GPR35: variants seen among roughly 807,000 people sequenced by gnomAD.
GPR35 encodes KYNA receptor.
For synonymous variants in GPR35, 207 were observed against 198.4 expected, an observed-to-expected ratio of 1.04 and a Z score of -0.36; for missense variants, 372 against 422.5, an observed-to-expected ratio of 0.88 and a Z score of 1.05.
At chr2:240,623,501 G>GAGGGCA (rs2043332183), upstream of GPR35, among the ~76,000 whole-genome samples, 1 of 149,762 alleles carries the variant, frequency 6.7e-6, no homozygotes, top group African/African-American at 2.5e-5. Flanking sequence ...TCGTGAGGGT[G>GAGGGCA]CAAACAGGTC....
At position 240,632,431 on chromosome 2, in the gene GPR35, G is replaced by A. The variant is rs1278772828; in HGVS notation, c.*1549G>A. On this transcript the variant is annotated 3_prime_UTR_variant, in exon 2 of 2. Transcript: ENST00000407714. ...AGGGTTCATGCCCAGGAGTGTCCCT[G>A]CCTAGGAAGATCCATTACCAGAAGG... Among the ~76,000 whole-genome samples the A allele has an allele frequency of 6.6e-6, 1 of 150,548 alleles. No individual in the cohort carries two copies. The highest frequency in any genetic ancestry group is 1.5e-5 in the Non-Finnish European group (1 of 67,698).
chr2:240,627,633 T>A (rs868709976), intron 1 of GPR35: 4 of 107,110 alleles, frequency 3.7e-5, no homozygotes, highest in African/African-American at 1.2e-4. Context: ...TCTGTCTTTT[T>A]TTTTTTTTTT....
At chr2:240,618,552 A>G (rs920257306) in intron 4 of GPR35, among the ~76,000 whole-genome samples, 1 of 152,206 alleles carries the variant, frequency 6.6e-6, no homozygotes, top group Non-Finnish European at 1.5e-5. Context: ...TTTGCTTTCA[A>G]TTTTAAGAAT....
In GPR35 at chr2:240,632,300, C is replaced by T. The variant is rs534090365; in HGVS notation, c.*1418C>T. 2.8e-4 allele frequency among the ~76,000 whole-genome samples: 41 copies of T among 145,470 alleles called. No individual in the cohort carries two copies. The highest frequency in any genetic ancestry group is 8.5e-4 in the African/African-American group (33 of 38,962). Reference sequence around the variant, plus strand: ...GAGGGCCCCATGCCCGGGAGAGTCACGTGCACAGAGGGCCCTGTGCTCAGG... The same window carrying T: ...GAGGGCCCCATGCCCGGGAGAGTCATGTGCACAGAGGGCCCTGTGCTCAGG... On this transcript the variant is annotated 3_prime_UTR_variant, in exon 2 of 2. Transcript: ENST00000407714.
At position 240,631,249 on chromosome 2, in the gene GPR35, A is replaced by G; in HGVS notation, c.*367A>G. 3.4e-6 allele frequency: 1 copy of G among 290,466 alleles called. No individual in the cohort carries two copies. The highest frequency in any genetic ancestry group is 6.9e-6 in the Non-Finnish European group (1 of 144,800). The allele number at this position is 290,466 out of a possible 1,614,324, so 18.0% of individuals were successfully genotyped here. ...GGCTGGAATAAAACTCCCCACCCAGAGTCAGTCCTAGTGGGGCCCTCTGTG... is the reference window on the plus strand; with the variant it reads ...GGCTGGAATAAAACTCCCCACCCAGGGTCAGTCCTAGTGGGGCCCTCTGTG... On this transcript the variant is annotated 3_prime_UTR_variant, in exon 2 of 2. Coordinates refer to ENST00000407714, the MANE Select transcript of GPR35 (RefSeq NM_005301.5).
chr2:240,622,374 T>G (rs2043305511), upstream of GPR35, among the ~76,000 whole-genome samples: 1 of 152,192 alleles, frequency 6.6e-6, no homozygotes, highest in Non-Finnish European at 1.5e-5. Flanking sequence ...GGCTTTTCTC[T>G]GGCTCTCCCA....
At chr2:240,623,310 C>CGCAAACAGGTCGTGAGGGT (rs2043321220), upstream of GPR35, among the ~76,000 whole-genome samples, 37 of 95,732 alleles carry the variant, frequency 3.9e-4, no homozygotes, top group South Asian at 1.6e-3. Flanking sequence ...GTCATGAGGG[C>CGCAAACAGGTCGTGAGGGT]GCAAACAGGT....
At chr2:240,613,646 A>G (rs2043208097) in intron 2 of GPR35, among the ~76,000 whole-genome samples, 1 of 152,038 alleles carries the variant, frequency 6.6e-6, no homozygotes, top group Non-Finnish European at 1.5e-5. Flanking sequence ...CTCTAACCCT[A>G]ACCCTAACTC....
At chr2:240,628,839 C>G (rs2043406347) in intron 1 of GPR35, 1 of 152,228 alleles carries the variant, frequency 6.6e-6, no homozygotes, top group Non-Finnish European at 1.5e-5. Context: ...CCTCACCCCT[C>G]CGGGTTCTTC....
chr2:240,614,918 A>T (rs985322470), intron 2 of GPR35, among the ~76,000 whole-genome samples: 1 of 152,056 alleles, frequency 6.6e-6, no homozygotes, highest in African/African-American at 2.4e-5. Flanking sequence ...GTGTGCATAT[A>T]TATGCATTTG....
At chr2:240,623,255 A>G (rs1444547624), upstream of GPR35, among the ~76,000 whole-genome samples, 2 of 152,228 alleles carry the variant, frequency 1.3e-5, no homozygotes, top group Non-Finnish European at 2.9e-5. Flanking sequence ...TACTTAAAAA[A>G]TAAGTTCTGT....
intron 1 of GPR35, chr2:240,628,909 C>T (rs34236350): frequency 0.24 from 36,895 of 152,024 alleles, 4,985 homozygotes; most frequent in Admixed American, 0.34. Context: ...GGACTCTGGG[C>T]GCTCACCAGC....
chr2:240,628,383 G>C (rs1559439593), intron 1 of GPR35: 1 of 152,264 alleles, frequency 6.6e-6, no homozygotes, highest in African/African-American at 2.4e-5. Flanking sequence ...CAAGAAGGGA[G>C]GAGAGAGACC....
At chr2:240,616,314 C>T (rs977088548) in intron 2 of GPR35, 39 of 690,750 alleles carry the variant, frequency 5.6e-5, no homozygotes, top group African/African-American at 2.7e-4. Context: ...ACGAGGTCCC[C>T]GCGGTCCCGG....
At chr2:240,614,320 TCTAACC>T (rs1352691924) in intron 2 of GPR35, among the ~76,000 whole-genome samples, 3 of 152,062 alleles carry the variant, frequency 2.0e-5, no homozygotes, top group Non-Finnish European at 2.9e-5. Flanking sequence ...TAGCCTTAAT[TCTAACC>T]CTAACTCCAA....
chr2:240,618,075 T>C (rs149077519), intron 4 of GPR35, among the ~76,000 whole-genome samples: 3 of 152,360 alleles, frequency 2.0e-5, no homozygotes, highest in South Asian at 4.1e-4. Context: ...TAAGGCTTTT[T>C]TTTTTGAAAG....
chr2:240,614,954 ATGTG>A (rs528782825), intron 2 of GPR35, among the ~76,000 whole-genome samples: 182 of 151,878 alleles, frequency 1.2e-3, no homozygotes, highest in African/African-American at 4.2e-3. Context: ...ATGCATGTTT[ATGTG>A]TGTATTTGTA....
chr2:240,630,570 G>T lies in GPR35; in HGVS notation c.618G>T (p.Val206=). The change falls in exon 2 of 2, where the codon GTG becomes GTT. Residue 206 remains valine (V), a synonymous_variant. Coordinates refer to ENST00000407714, the MANE Select transcript of GPR35 (RefSeq NM_005301.5). The part of the protein sequence containing the change: ...TALAQRPPTD[V]GQAEATRKAA... ...TGGCCCAGAGGCCACCCACCGACGT[G>T]GGGCAGGCAGAGGCCACCCGCAAGG... 1 of 1,612,816 alleles carries T rather than the reference G, an allele frequency of 6.2e-7. No individual in the cohort carries two copies. The highest frequency in any genetic ancestry group is 8.5e-7 in the Non-Finnish European group (1 of 1,179,926).
exon 4 of GPR35, chr2:240,617,112 A>C (rs1386031922): frequency 4.5e-6 from 3 of 674,078 alleles, no homozygotes; most frequent in Non-Finnish European, 5.4e-6. Context: ...GCTGGAAGTG[A>C]ATCTCCTCGT....
Sources: gnomAD v4.1 joint callset for allele counts (sites outside exome capture counted in the v4.1 genomes callset) on GRCh38, gnomAD v4.1.1 for gene constraint, MANE v1.5 for transcripts, NCBI Gene and HGNC (gene_info 2026-07-23, HGNC 2026-07-21) for gene names.